The following PKP2 variants were observed in gnomAD, a reference collection of about 807,000 sequenced individuals.
PKP2 encodes the protein plakophilin 2, also known as plakophilin-2.
Under a neutral mutation model 83.4 loss-of-function variants are expected in PKP2, and 73 were observed. The observed-to-expected ratio is 0.88, with a 90% confidence interval of 0.72 to 1.06. PKP2 has a LOEUF of 1.06. PKP2 is among the 50% of genes least tolerant of loss of function. The pLI, the probability that PKP2 is intolerant of heterozygous loss-of-function variation, is 0.00. For synonymous variants in PKP2, 409 were observed against 430.4 expected (o/e 0.95, Z 0.62); for missense variants, 966 against 1,065.4 (o/e 0.91, Z 1.30).
At chr12:32,852,357 T>C (rs1956707167) in intron 4 of PKP2, among the ~76,000 whole-genome samples, 1 of 152,146 alleles carries the variant, frequency 6.6e-6, no homozygotes, top group African/African-American at 2.4e-5. Context: ...CTCCCTTTCA[T>C]AGACAGGTAA....
intron 4 of PKP2, among the ~76,000 whole-genome samples, chr12:32,864,970 C>T (rs1174926165): frequency 3.3e-5 from 5 of 152,138 alleles, no homozygotes; most frequent in African/African-American, 4.8e-5. Flanking sequence ...TATTTATTTG[C>T]ACTAGGACGT....
At chr12:32,869,801 C>T (rs1362199906) in intron 3 of PKP2, among the ~76,000 whole-genome samples, 6 of 152,128 alleles carry the variant, frequency 3.9e-5, no homozygotes, top group African/African-American at 1.4e-4. Context: ...AGGAGGATTG[C>T]CTGAGTCCAG....
At chr12:32,889,903 C>G (rs1957062433) in intron 1 of PKP2, among the ~76,000 whole-genome samples, 1 of 151,664 alleles carries the variant, frequency 6.6e-6, no homozygotes, top group African/African-American at 2.4e-5. Context: ...GGTGAAACTC[C>G]ATCTCTACTA....
At chr12:32,853,259 T>G (rs1956716581) in intron 4 of PKP2, among the ~76,000 whole-genome samples, 1 of 152,198 alleles carries the variant, frequency 6.6e-6, no homozygotes, top group Non-Finnish European at 1.5e-5. Flanking sequence ...ATTCAGATCT[T>G]GGATTTTTGG....
At chr12:32,826,570 T>G (rs1956444180) in intron 6 of PKP2, among the ~76,000 whole-genome samples, 1 of 152,202 alleles carries the variant, frequency 6.6e-6, no homozygotes, top group African/African-American at 2.4e-5. Flanking sequence ...TGACTGATTC[T>G]CATTTGACCC....
In PKP2 at chr12:32,824,056, G is replaced by T. The variant is rs771808028; in HGVS notation, c.1663C>A (p.Pro555Thr). 1.9e-5 allele frequency: 29 copies of T among 1,565,454 alleles called. No homozygotes were observed. In the South Asian group the frequency reaches 3.0e-4, roughly 16 times the overall value. Reference sequence around the variant, plus strand: ...ATCTCTTGAATTACCTTGTCATCTGGCTGGTAATCTGCAATGGTTCCTCTG... The same window carrying T: ...ATCTCTTGAATTACCTTGTCATCTGTCTGGTAATCTGCAATGGTTCCTCTG... ...YVRGTIADYQ[P>T]DDKATENCVC... Residue 555 changes from proline (P) to threonine (T), a missense_variant, in exon 7 of 13, where the codon CCA becomes ACA. Pro to Thr is a conservative substitution (Grantham distance 38). Transcript: ENST00000340811.
chr12:32,805,629 A>AT (rs1461625938), intron 9 of PKP2, among the ~76,000 whole-genome samples: 1 of 152,048 alleles, frequency 6.6e-6, no homozygotes, highest in East Asian at 1.9e-4. Context: ...TGCAGTCTTA[A>AT]TTTCTGAGTT....
intron 1 of PKP2, among the ~76,000 whole-genome samples, chr12:32,887,511 C>T (rs915478311): frequency 1.3e-5 from 2 of 152,138 alleles, no homozygotes; most frequent in East Asian, 1.9e-4. Flanking sequence ...TGAAGTGCAG[C>T]GGTGCGATCT....
At chr12:32,876,143 A>C (rs1956930164) in intron 3 of PKP2, among the ~76,000 whole-genome samples, 1 of 152,182 alleles carries the variant, frequency 6.6e-6, no homozygotes, top group African/African-American at 2.4e-5. Context: ...ATGGTGTCTC[A>C]AACACCACCC....
At chr12:32,825,809 G>A (rs1206125820) in intron 6 of PKP2, among the ~76,000 whole-genome samples, 5 of 152,094 alleles carry the variant, frequency 3.3e-5, no homozygotes, top group African/African-American at 4.8e-5. Flanking sequence ...GGAGACTGAG[G>A]AAGAAGATTG....
intron 4 of PKP2, among the ~76,000 whole-genome samples, chr12:32,861,898 C>G (rs570958731): frequency 2.6e-5 from 4 of 152,208 alleles, no homozygotes; most frequent in Non-Finnish European, 5.9e-5. Context: ...GAGCAACTTT[C>G]TTTCTTTCTT....
At position 32,846,702 on chromosome 12, in the gene PKP2, G is replaced by A. The variant is rs192858290; in HGVS notation, c.1378+4064C>T. On this transcript the variant is annotated intron_variant, in intron 5 of 12. Transcript: ENST00000340811. ...AGAGGTTGCAGTGAGCCAAGACTGC[G>A]CCATTGCACTCCAGCCTGGGTAACA... 1.3e-3 allele frequency among the ~76,000 whole-genome samples: 183 copies of A among 139,538 alleles called. 2 individuals carry two copies. In the East Asian group the frequency reaches 0.026, roughly 20 times the overall value. 91.5% of individuals were successfully genotyped at this position (139,538 alleles called of 152,430 possible).
chr12:32,824,020 A>ACAGG (rs781241305), intron 7 of PKP2, 25 bp downstream of exon 7: 1 of 1,345,118 alleles, frequency 7.4e-7, no homozygotes, highest in South Asian at 1.2e-5. Flanking sequence ...GTAAGACAAA[A>ACAGG]CAGGATATTT....
At chr12:32,843,141 G>A (rs761802364) in intron 5 of PKP2, 4 of 437,714 alleles carry the variant, frequency 9.1e-6, no homozygotes, top group African/African-American at 2.0e-5. Flanking sequence ...CACGACACCC[G>A]GCTAATTTTT....
Position 32,822,476 on chromosome 12 carries a change from TTTCCTGCTTCGACTGCCAAAACA to T in PKP2, c.1807_1829del (p.Cys603SerfsTer88), listed in dbSNP as rs1555142963. On this transcript the variant is annotated frameshift_variant, in exon 8 of 13. Coordinates refer to ENST00000340811, the MANE Select transcript of PKP2 (RefSeq NM_001005242.3). LOFTEE classifies it high-confidence loss of function. Reference sequence around the variant, plus strand: ...AAACTTCCCAATATACCTCTTTTACTTTCCTGCTTCGACTGCCAAAACATCCAATACTTTTGTTGTTGTCAGTC... The same window carrying T: ...AAACTTCCCAATATACCTCTTTTACTTCCAATACTTTTGTTGTTGTCAGTC... 1 of 1,614,004 alleles carries T rather than the reference TTTCCTGCTTCGACTGCCAAAACA, an allele frequency of 6.2e-7. No individual in the cohort carries two copies. The highest frequency in any genetic ancestry group is 8.5e-7 in the Non-Finnish European group (1 of 1,179,996).
At chr12:32,875,943 G>A (rs1956928047) in intron 3 of PKP2, among the ~76,000 whole-genome samples, 1 of 152,140 alleles carries the variant, frequency 6.6e-6, no homozygotes, top group African/African-American at 2.4e-5. Context: ...AGAACCATAA[G>A]GATAAAAGTG....
At chr12:32,836,703 A>T (rs1318076034) in intron 6 of PKP2, among the ~76,000 whole-genome samples, 1 of 152,224 alleles carries the variant, frequency 6.6e-6, no homozygotes, top group Non-Finnish European at 1.5e-5. Context: ...ACACCAATGA[A>T]TTTGTGGCAA....
chr12:32,876,529 C>G (rs984290644), intron 3 of PKP2, among the ~76,000 whole-genome samples: 3 of 152,058 alleles, frequency 2.0e-5, no homozygotes, highest in African/African-American at 7.2e-5. Flanking sequence ...ACCTGATACA[C>G]TTTCTCTTTT....
chr12:32,801,925 T>C (rs566054990), intron 10 of PKP2, among the ~76,000 whole-genome samples: 3 of 152,192 alleles, frequency 2.0e-5, no homozygotes, highest in Non-Finnish European at 4.4e-5. Flanking sequence ...ATTGTGATTA[T>C]CTGTTTATCC....
Sources: allele counts gnomAD v4.1 joint callset (sites outside exome capture counted in the v4.1 genomes callset), GRCh38; gene constraint gnomAD v4.1.1; transcripts MANE v1.5; gene names NCBI Gene and HGNC (gene_info 2026-07-23, HGNC 2026-07-21).